Variants in CSMD1 observed in about 807,000 individuals in gnomAD.
CSMD1 encodes the protein CUB and Sushi multiple domains 1, also known as CUB and sushi domain-containing protein 1.
In CSMD1, 213 loss-of-function variants were observed where a neutral mutation model predicts 417.5. The ratio of observed to expected loss-of-function variants is 0.51; its 90% CI spans 0.46 to 0.57. CSMD1 has a LOEUF of 0.57. Among genes scored for constraint, CSMD1 ranks in the 20% least tolerant of loss-of-function variants. The probability of loss-of-function intolerance (pLI) is 0.00; values close to 1 mark genes in which losing one functional copy is unlikely to be tolerated. For missense variants in CSMD1, 6,923 were observed against 4,529.7 expected (o/e 1.53, Z -15.17); for synonymous variants, 2,862 against 1,736.8 (o/e 1.65, Z -16.11).
intron 10 of CSMD1, among the ~76,000 whole-genome samples, chr8:3,508,174 T>G (rs546516185): frequency 1.3e-5 from 2 of 152,156 alleles, no homozygotes; most frequent in African/African-American, 4.8e-5. Context: ...AATTGAACAA[T>G]GACCAACCTC....
chr8:3,930,877 G>A (rs959610065), intron 5 of CSMD1, among the ~76,000 whole-genome samples: 4 of 150,568 alleles, frequency 2.7e-5, no homozygotes, highest in African/African-American at 9.8e-5. Flanking sequence ...TTTTAGTCTA[G>A]TTTTAAAACC....
At chr8:4,429,855 G>C (rs971054808) in intron 2 of CSMD1, among the ~76,000 whole-genome samples, 1 of 152,132 alleles carries the variant, frequency 6.6e-6, no homozygotes, top group African/African-American at 2.4e-5. Flanking sequence ...CGCCCATTCA[G>C]TTAAGTTCTA....
chr8:3,400,160 C>T (rs1585107649), intron 15 of CSMD1, among the ~76,000 whole-genome samples: 1 of 152,256 alleles, frequency 6.6e-6, no homozygotes, highest in East Asian at 1.9e-4. Flanking sequence ...ATAATTACTG[C>T]TCAGTGAAAG....
chr8:4,168,307 G>A (rs1204553541), intron 3 of CSMD1, among the ~76,000 whole-genome samples: 4 of 151,682 alleles, frequency 2.6e-5, no homozygotes, highest in African/African-American at 7.3e-5. Context: ...GGCAGAAAGG[G>A]CTCCCTTGAG....
intron 10 of CSMD1, among the ~76,000 whole-genome samples, chr8:3,534,943 G>A (rs1478826402): frequency 1.3e-5 from 2 of 152,114 alleles, no homozygotes; most frequent in East Asian, 1.9e-4. Flanking sequence ...TGTAAGACAT[G>A]TATTTACTTA....
chr8:3,305,142 A>G (rs1417129473), intron 25 of CSMD1, among the ~76,000 whole-genome samples: 1 of 152,076 alleles, frequency 6.6e-6, no homozygotes, highest in Non-Finnish European at 1.5e-5. Context: ...CATCCCCTCA[A>G]AGAAAGTGCT....
At chr8:3,867,329 G>A (rs1391081710) in intron 5 of CSMD1, among the ~76,000 whole-genome samples, 1 of 152,036 alleles carries the variant, frequency 6.6e-6, no homozygotes, top group Non-Finnish European at 1.5e-5. Flanking sequence ...CAAACAGTAG[G>A]GTAGCCTAGG....
intron 2 of CSMD1, among the ~76,000 whole-genome samples, chr8:4,447,934 C>G (rs1798909623): frequency 6.6e-6 from 1 of 152,074 alleles, no homozygotes; most frequent in South Asian, 2.1e-4. Flanking sequence ...AATTACCACA[C>G]TCACCATATT....
At chr8:4,329,185 A>G (rs1031892308) in intron 3 of CSMD1, among the ~76,000 whole-genome samples, 1 of 152,236 alleles carries the variant, frequency 6.6e-6, no homozygotes, top group African/African-American at 2.4e-5. Flanking sequence ...ATGGAGAATA[A>G]CAAGTATAGA....
At chr8:4,445,092 C>T (rs995044444) in intron 2 of CSMD1, among the ~76,000 whole-genome samples, 1 of 152,190 alleles carries the variant, frequency 6.6e-6, no homozygotes, top group Admixed American at 6.5e-5. Flanking sequence ...CATGTTACTT[C>T]TCTGAACAAC....
intron 50 of CSMD1, among the ~76,000 whole-genome samples, chr8:3,051,852 T>C (rs944053577): frequency 6.6e-6 from 1 of 152,186 alleles, no homozygotes; most frequent in Non-Finnish European, 1.5e-5. Flanking sequence ...GGGTTTTGCA[T>C]AACAGACTAT....
intron 5 of CSMD1, among the ~76,000 whole-genome samples, chr8:3,805,684 C>G (rs911721740): frequency 6.6e-6 from 1 of 151,972 alleles, no homozygotes; most frequent in African/African-American, 2.4e-5. Flanking sequence ...ACTACTGTAC[C>G]ATTGTGTTTC....
chr8:4,661,214 G>A (rs1804585308), intron 1 of CSMD1, among the ~76,000 whole-genome samples: 1 of 152,084 alleles, frequency 6.6e-6, no homozygotes, highest in Non-Finnish European at 1.5e-5. Flanking sequence ...AAACAGCCCA[G>A]ATGTCCTTTA....
At chr8:4,616,392 C>T (rs1336854287) in intron 2 of CSMD1, among the ~76,000 whole-genome samples, 2 of 152,152 alleles carry the variant, frequency 1.3e-5, no homozygotes, top group Non-Finnish European at 1.5e-5. Flanking sequence ...ACAGGCAAAT[C>T]GTGGCCTCCA....
At chr8:3,515,521 G>C (rs78800575) in intron 10 of CSMD1, among the ~76,000 whole-genome samples, 13 of 152,234 alleles carry the variant, frequency 8.5e-5, no homozygotes, top group East Asian at 1.9e-4. Flanking sequence ...AAAATGGTTG[G>C]CAACTGTTCA....
intron 5 of CSMD1, among the ~76,000 whole-genome samples, chr8:3,833,921 T>G (rs941510032): frequency 1.1e-4 from 16 of 152,174 alleles, no homozygotes; most frequent in African/African-American, 3.6e-4. Context: ...AATATCAAAT[T>G]TATGTATTAT....
intron 2 of CSMD1, among the ~76,000 whole-genome samples, chr8:4,427,955 T>C (rs1003048686): frequency 1.3e-5 from 2 of 152,310 alleles, no homozygotes; most frequent in African/African-American, 4.8e-5. Flanking sequence ...TTTTCAAATG[T>C]TTTTCTGACT....
At chr8:4,931,227 G>C (rs1307082619) in intron 1 of CSMD1, among the ~76,000 whole-genome samples, 2 of 151,898 alleles carry the variant, frequency 1.3e-5, no homozygotes, top group East Asian at 1.9e-4. Context: ...CCTTTTTTTA[G>C]AATATTGTTT....
At chr8:3,054,668 CAT>C (rs986390804) in intron 49 of CSMD1, among the ~76,000 whole-genome samples, 32 of 152,246 alleles carry the variant, frequency 2.1e-4, no homozygotes, top group East Asian at 9.7e-4. Flanking sequence ...TGCATATTTA[CAT>C]GTGTGTACAT....
Sources: gnomAD v4.1 joint callset for allele counts (sites outside exome capture counted in the v4.1 genomes callset) on GRCh38, gnomAD v4.1.1 for gene constraint, MANE v1.5 for transcripts, NCBI Gene and HGNC (gene_info 2026-07-23, HGNC 2026-07-21) for gene names.